The following CBFA2T2 variants were observed in gnomAD, a reference collection of about 807,000 sequenced individuals.
CBFA2T2 encodes protein CBFA2T2.
Under a neutral mutation model 62.2 loss-of-function variants are expected in CBFA2T2, and 11 were observed. The observed-to-expected ratio is 0.18, with a 90% CI of 0.11 to 0.29. The LOEUF (loss-of-function observed/expected upper bound fraction) is 0.29. Among genes scored for constraint, CBFA2T2 ranks in the 10% least tolerant of loss-of-function variants. The probability of loss-of-function intolerance (pLI) is 1.00; values close to 1 mark genes in which losing one functional copy is unlikely to be tolerated. For missense variants in CBFA2T2, 592 were observed against 774.1 expected (o/e 0.76, Z 2.79); for synonymous variants, 295 against 287.5 (o/e 1.03, Z -0.27).
At chr20:33,600,537 C>A in intron 1 of CBFA2T2, 2 of 358,136 alleles carry the variant, frequency 5.6e-6, no homozygotes, top group Non-Finnish European at 1.1e-5. Flanking sequence ...TTTACCTATG[C>A]TTGGCAGTGA....
At chr20:33,620,022 T>TCAGG (rs753427508) in intron 4 of CBFA2T2, among the ~76,000 whole-genome samples, 83 of 152,266 alleles carry the variant, frequency 5.5e-4, no homozygotes, top group Middle Eastern at 3.4e-3. Flanking sequence ...TACTCTAAGG[T>TCAGG]CAGGAGACGA....
rs181651320 is a variant in CBFA2T2, at chr20:33,506,488, T to C, written c.34+16187T>C. Among the ~76,000 whole-genome samples the C allele has an allele frequency of 1.6e-4, 25 of 152,274 alleles. 1 individual carries two copies. The highest frequency in any genetic ancestry group is 1.4e-3 in the Admixed American group (22 of 15,288). On this transcript the variant is annotated intron_variant, in intron 1 of 10. Transcript: ENST00000342704. ...CATTAACAACTGTATTATGGAGCTG[T>C]TAGATGCAGGGATTGCGCTAAGTGC...
chr20:33,564,560 T>C (rs1162697818), intron 1 of CBFA2T2, among the ~76,000 whole-genome samples: 2 of 151,970 alleles, frequency 1.3e-5, no homozygotes, highest in East Asian at 3.9e-4. Flanking sequence ...TGGCCCTCTT[T>C]TTTTCTTTTC....
In CBFA2T2 at chr20:33,607,033, A is replaced by G; in HGVS notation, c.112A>G (p.Thr38Ala). ...GATACAGTCCAGATCCTCACCTCCC[A>G]CCATGCCACCCCTCCCACCAATAAA... Reference protein sequence around the residue: ...VKIQSRSSPPTMPPLPPINPG... With the variant: ...VKIQSRSSPPAMPPLPPINPG... Residue 38 changes from threonine to alanine, a missense_variant, in exon 2 of 11, where the codon ACC (threonine) becomes GCC (alanine). Coordinates refer to ENST00000342704, the MANE Select transcript of CBFA2T2 (RefSeq NM_001032999.3). 1.2e-6 allele frequency: 2 copies of G among 1,613,968 alleles called. No homozygotes were observed. The highest frequency in any genetic ancestry group is 1.7e-6 in the Non-Finnish European group (2 of 1,179,946).
chr20:33,514,207 T>TG (rs2011559370), intron 1 of CBFA2T2, among the ~76,000 whole-genome samples: 1 of 50,216 alleles, frequency 2.0e-5, no homozygotes, highest in South Asian at 9.2e-4. Context: ...CCTGCCTTTG[T>TG]TTTTTTTTTT....
chr20:33,600,593 T>C, intron 1 of CBFA2T2: 1 of 288,586 alleles, frequency 3.5e-6, no homozygotes, highest in Non-Finnish European at 7.1e-6. Flanking sequence ...TGATTTTTCC[T>C]TCAGCTGTGA....
Position 33,490,170 on chromosome 20 carries a change from C to A in CBFA2T2, c.-98C>A. The A allele has an allele frequency of 8.7e-7, 1 of 1,154,114 alleles. No homozygotes were observed. Among genetic ancestry groups the A allele is most frequent in the Non-Finnish European group, 1.1e-6 (1 of 927,914 alleles). 71.5% of individuals were successfully genotyped at this position (1,154,114 alleles called of 1,614,324 possible). On this transcript the variant is annotated 5_prime_UTR_variant, in exon 1 of 11. Coordinates refer to ENST00000342704, the MANE Select transcript of CBFA2T2 (RefSeq NM_001032999.3). ...GGCGGCTGCAGATCTCGCGGCGACGCCTGCGAGGGACCCGGGCCGCGGGTC... is the reference window on the plus strand; with the variant it reads ...GGCGGCTGCAGATCTCGCGGCGACGACTGCGAGGGACCCGGGCCGCGGGTC...
At chr20:33,544,016 G>A (rs2012472297) in intron 1 of CBFA2T2, among the ~76,000 whole-genome samples, 1 of 152,026 alleles carries the variant, frequency 6.6e-6, no homozygotes, top group East Asian at 1.9e-4. Flanking sequence ...TATTGGAGTT[G>A]CTTCCTAGTT....
At chr20:33,501,406 T>A (rs17124736) in intron 1 of CBFA2T2, among the ~76,000 whole-genome samples, 2,505 of 152,258 alleles carry the variant, frequency 0.016, 69 homozygotes, top group African/African-American at 0.057. Context: ...ACAGATTTAT[T>A]CATTTTGGCC....
chr20:33,602,792 T>C (rs1256078060), intron 1 of CBFA2T2, among the ~76,000 whole-genome samples: 3 of 152,228 alleles, frequency 2.0e-5, no homozygotes, highest in African/African-American at 7.2e-5. Flanking sequence ...TTTCACTTAG[T>C]ACTTTACAGC....
At chr20:33,625,497 G>A (rs1289870111) in intron 6 of CBFA2T2, among the ~76,000 whole-genome samples, 1 of 152,142 alleles carries the variant, frequency 6.6e-6, no homozygotes, top group African/African-American at 2.4e-5. Context: ...AAAGAATAAA[G>A]GGGTATCGCC....
chr20:33,508,432 GT>G (rs995105497), intron 1 of CBFA2T2, among the ~76,000 whole-genome samples: 178 of 152,036 alleles, frequency 1.2e-3, no homozygotes, highest in African/African-American at 4.1e-3. Flanking sequence ...TTGTTTGTTT[GT>G]TTTTTTAGCT....
chr20:33,589,850 A>T (rs905125900), intron 1 of CBFA2T2, among the ~76,000 whole-genome samples: 1 of 152,200 alleles, frequency 6.6e-6, no homozygotes. Context: ...TTTAAAAAAG[A>T]AACAGGTGAC....
At chr20:33,617,066 A>G (rs1164569927) in intron 3 of CBFA2T2, among the ~76,000 whole-genome samples, 2 of 152,192 alleles carry the variant, frequency 1.3e-5, no homozygotes, top group Non-Finnish European at 2.9e-5. Context: ...CTACAAAAAA[A>G]AAAATTTAAA....
chr20:33,643,669 C>G (rs899825750), intron 10 of CBFA2T2, among the ~76,000 whole-genome samples: 3 of 148,474 alleles, frequency 2.0e-5, no homozygotes, highest in African/African-American at 7.5e-5. Context: ...ATAATCCTGA[C>G]ACTTTGGGAG....
At chr20:33,521,823 C>T (rs1485656602) in intron 1 of CBFA2T2, among the ~76,000 whole-genome samples, 2 of 148,386 alleles carry the variant, frequency 1.3e-5, no homozygotes, top group South Asian at 2.1e-4. Context: ...ATTTGAGCTG[C>T]GTGTGTGTGT....
intron 1 of CBFA2T2, among the ~76,000 whole-genome samples, chr20:33,500,515 G>T (rs2011260991): frequency 6.6e-6 from 1 of 151,974 alleles, no homozygotes; most frequent in African/African-American, 2.4e-5. Context: ...CTCAAGACCA[G>T]CCTGACCAAC....
Position 33,644,730 on chromosome 20 carries a change from T to A in CBFA2T2, c.*84T>A. On this transcript the variant is annotated 3_prime_UTR_variant, in exon 11 of 11. Coordinates refer to ENST00000342704, the MANE Select transcript of CBFA2T2 (RefSeq NM_001032999.3). Reference sequence around the variant, plus strand: ...GACTGACTGTTGGAACCCGTGCATGTAGCTGCCGGGTCATCAGCAAGAAAT... The same window carrying A: ...GACTGACTGTTGGAACCCGTGCATGAAGCTGCCGGGTCATCAGCAAGAAAT... 7.1e-7 allele frequency: 1 copy of A among 1,400,172 alleles called. No individual in the cohort carries two copies. Among genetic ancestry groups the A allele is most frequent in the Non-Finnish European group, 9.7e-7 (1 of 1,027,440 alleles). The allele number at this position is 1,400,172 out of a possible 1,614,324, so 86.7% of individuals were successfully genotyped here. A position where few individuals can be genotyped will look rare whatever the true frequency, so the allele number is the denominator to read the frequency against.
intron 10 of CBFA2T2, 50 bp downstream of exon 10, chr20:33,640,581 G>A (rs778486073): frequency 4.0e-5 from 61 of 1,534,838 alleles, no homozygotes; most frequent in South Asian, 3.6e-4. Flanking sequence ...GAGTGACCAC[G>A]CCCGCTGCCT....
Sources: gnomAD v4.1 joint callset for allele counts (sites outside exome capture counted in the v4.1 genomes callset) on GRCh38, gnomAD v4.1.1 for gene constraint, MANE v1.5 for transcripts, NCBI Gene and HGNC (gene_info 2026-07-23, HGNC 2026-07-21) for gene names.